CLNK: variants seen among roughly 807,000 people sequenced by gnomAD.
The protein encoded by CLNK is cytokine-dependent hematopoietic cell linker.
CLNK carries 74 observed loss-of-function variants against 68.6 expected under a neutral mutation model. The observed-to-expected ratio is 1.08, with a 90% confidence interval of 0.89 to 1.31. The LOEUF is 1.31. Among genes scored for constraint, CLNK ranks in the 50% most tolerant of loss-of-function variants. CLNK has a pLI of 0.00. For synonymous variants in CLNK, 198 were observed against 172.2 expected, an observed-to-expected ratio of 1.15 and a Z score of -1.17; for missense variants, 553 against 515.3, an observed-to-expected ratio of 1.07 and a Z score of -0.71.
At chr4:10,621,893 A>G (rs1448955439) in intron 2 of CLNK, among the ~76,000 whole-genome samples, 1 of 152,216 alleles carries the variant, frequency 6.6e-6, no homozygotes, top group Non-Finnish European at 1.5e-5. Context: ...AAATTTTCAC[A>G]GTGGATCAGC....
chr4:10,558,487 G>A, intron 7 of CLNK, 35 bp from the exon 8 acceptor site: 1 of 1,597,238 alleles, frequency 6.3e-7, no homozygotes, highest in Non-Finnish European at 8.6e-7. Flanking sequence ...TATCTCTTCA[G>A]TTGTGACTAT....
chr4:10,711,402 C>A, the CLNK span, among the ~76,000 whole-genome samples: 1 of 152,170 alleles, frequency 6.6e-6, no homozygotes, highest in Admixed American at 6.5e-5. Flanking sequence ...AGTCACAGAA[C>A]ATTCTCTTCC....
rs541498093 is a variant in CLNK, at chr4:10,497,747, A to T, written c.1140+3509T>A. Among the ~76,000 whole-genome samples, 7 of 152,334 alleles carry T rather than the reference A, an allele frequency of 4.6e-5. No individual in the cohort carries two copies. The South Asian group carries it at 1.5e-3, about 32-fold the overall frequency. On this transcript the variant is annotated intron_variant, in intron 18 of 18. Coordinates refer to ENST00000226951, the MANE Select transcript of CLNK (RefSeq NM_052964.4). ...CCTTGCCAGTAAATGATGTTCATTA[A>T]TATGTCCTTTCCAGAGCTTTTTCAA...
At position 10,540,597 on chromosome 4, in the gene CLNK, T is replaced by G; in HGVS notation, c.499A>C (p.Ile167Leu). The G allele has an allele frequency of 8.1e-6, 13 of 1,612,978 alleles. No individual in the cohort carries two copies. The highest frequency in any genetic ancestry group is 2.2e-5 in the East Asian group (1 of 44,880). ...KIPLPPPRPLITLPKKYQPLP... is the reference protein window; with the variant it reads ...KIPLPPPRPLLTLPKKYQPLP... ...GGTTGGTACTTCTTCGGAAGTGTTA[T>G]GAGAGGCCTGTGTGGAGAGTCGCAG... Residue 167 changes from isoleucine (I) to leucine (L), a missense_variant, in exon 11 of 19, where the codon ATA (isoleucine) becomes CTA (leucine). Transcript: ENST00000226951.
chr4:10,563,030 G>C (rs976350678), intron 7 of CLNK, among the ~76,000 whole-genome samples: 1 of 152,154 alleles, frequency 6.6e-6, no homozygotes, highest in Non-Finnish European at 1.5e-5. Flanking sequence ...TGCTGTGCCC[G>C]TGTAAAAAGG....
At chr4:10,587,089 C>G (rs1338302615) in intron 3 of CLNK, among the ~76,000 whole-genome samples, 1 of 152,090 alleles carries the variant, frequency 6.6e-6, no homozygotes, top group Non-Finnish European at 1.5e-5. Flanking sequence ...CTCAGCCTCA[C>G]AAGTAACTGG....
chr4:10,541,942 T>C, intron 10 of CLNK, 80 bp downstream of exon 10: 1 of 1,069,596 alleles, frequency 9.3e-7, no homozygotes, highest in Non-Finnish European at 1.4e-6. Flanking sequence ...ATGTCAAATG[T>C]TTGTGTTTCT....
intron 1 of CLNK, among the ~76,000 whole-genome samples, chr4:10,684,260 C>T (rs1054515867): frequency 6.6e-6 from 1 of 152,124 alleles, no homozygotes; most frequent in Non-Finnish European, 1.5e-5. Context: ...TTCCACAGGG[C>T]TCCAGGAGTT....
intron 2 of CLNK, among the ~76,000 whole-genome samples, chr4:10,653,294 C>G (rs1723828273): frequency 6.6e-6 from 1 of 151,890 alleles, no homozygotes; most frequent in Admixed American, 6.6e-5. Context: ...ACCTATGTGT[C>G]ATGGGTATAC....
At chr4:10,541,005 A>G (rs1358827881) in intron 10 of CLNK, among the ~76,000 whole-genome samples, 1 of 152,140 alleles carries the variant, frequency 6.6e-6, no homozygotes, top group Non-Finnish European at 1.5e-5. Flanking sequence ...ACCTGAGGTC[A>G]GGAATTCAAG....
chr4:10,622,534 T>C (rs1722497339), intron 2 of CLNK, among the ~76,000 whole-genome samples: 1 of 152,006 alleles, frequency 6.6e-6, no homozygotes, highest in Admixed American at 6.6e-5. Flanking sequence ...GTTGAAACAG[T>C]ATAGGACAGA....
chr4:10,714,009 TC>T, the CLNK span, among the ~76,000 whole-genome samples: 151 of 152,322 alleles, frequency 9.9e-4, no homozygotes, highest in Non-Finnish European at 1.6e-3. Context: ...ACAAGAATCT[TC>T]CTGTCATTCT....
At position 10,659,137 on chromosome 4, in the gene CLNK, G is replaced by T. The variant is rs144427090; in HGVS notation, c.11+8722C>A. ...GAGACTTTCTTGAACCCGGGAGAAG[G>T]TTGCAATGAGCTGAGATCGTGCTAC... On this transcript the variant is annotated intron_variant, in intron 2 of 18. Transcript: ENST00000226951. 6.0e-3 allele frequency among the ~76,000 whole-genome samples: 912 copies of T among 152,264 alleles called. 4 individuals are homozygous for T. Among genetic ancestry groups the T allele is most frequent in the African/African-American group, 0.02 (847 of 41,544 alleles).
intron 4 of CLNK, among the ~76,000 whole-genome samples, chr4:10,576,146 T>C (rs1720556026): frequency 6.6e-6 from 1 of 152,180 alleles, no homozygotes; most frequent in Non-Finnish European, 1.5e-5. Flanking sequence ...GAAGCAGCGA[T>C]AGAACCTTCC....
chr4:10,565,998 C>G lies in CLNK; in HGVS notation c.292+11G>C, dbSNP rs779797816. 3 of 1,612,628 alleles carry G rather than the reference C, an allele frequency of 1.9e-6. No individual in the cohort carries two copies. The highest frequency in any genetic ancestry group is 2.7e-5 in the African/African-American group (2 of 74,876). Reference sequence around the variant, plus strand: ...GCATCTTCTTATTTCAGGCAGACCCCCAAACGTTACCTGCATATTCAGATT... The same window carrying G: ...GCATCTTCTTATTTCAGGCAGACCCGCAAACGTTACCTGCATATTCAGATT... On this transcript the variant is annotated intron_variant, in intron 6 of 18. Transcript: ENST00000226951.
intron 3 of CLNK, among the ~76,000 whole-genome samples, chr4:10,597,722 G>T (rs751003976): frequency 5.5e-4 from 83 of 152,156 alleles, no homozygotes; most frequent in Admixed American, 3.9e-3. Flanking sequence ...TAGAGACCTG[G>T]GAGGAGTGGG....
At chr4:10,627,528 T>C (rs1299077569) in intron 2 of CLNK, among the ~76,000 whole-genome samples, 1 of 152,094 alleles carries the variant, frequency 6.6e-6, no homozygotes, top group Non-Finnish European at 1.5e-5. Flanking sequence ...CCAAACAACA[T>C]TGCCACTTGG....
rs1380424459 is a variant in CLNK, at chr4:10,658,958, A to G, written c.11+8901T>C. On this transcript the variant is annotated intron_variant, in intron 2 of 18. Coordinates refer to ENST00000226951, the MANE Select transcript of CLNK (RefSeq NM_052964.4). The stretch of plus-strand genomic sequence containing the variant: ...TTTTTGCTATTAAAAGAAATTGCCA[A>G]TTTGGGAGGTGAGGCGGGTGGATTA... Among the ~76,000 whole-genome samples, 10 of 152,200 alleles carry G rather than the reference A, an allele frequency of 6.6e-5. No individual in the cohort carries two copies. The East Asian group carries it at 1.5e-3, about 24-fold the overall frequency.
At chr4:10,493,953 G>T (rs1269760275) in intron 18 of CLNK, among the ~76,000 whole-genome samples, 1 of 152,222 alleles carries the variant, frequency 6.6e-6, no homozygotes, top group Non-Finnish European at 1.5e-5. Flanking sequence ...GCATTCAGAA[G>T]AAAGTGTGAC....
Sources: allele counts gnomAD v4.1 joint callset (sites outside exome capture counted in the v4.1 genomes callset), GRCh38; gene constraint gnomAD v4.1.1; transcripts MANE v1.5; gene names NCBI Gene and HGNC (gene_info 2026-07-23, HGNC 2026-07-21).